Variants in TIMM44 observed in about 807,000 individuals in gnomAD.
TIMM44 encodes the protein translocase of inner mitochondrial membrane 44, also known as mitochondrial import inner membrane translocase subunit TIM44.
Under a neutral mutation model 63.8 loss-of-function variants are expected in TIMM44, and 37 were observed. The ratio of observed to expected loss-of-function variants is 0.58; its 90% confidence interval spans 0.45 to 0.76. The LOEUF (loss-of-function observed/expected upper bound fraction) is 0.76. TIMM44 is among the 30% of genes least tolerant of loss of function. The probability of loss-of-function intolerance (pLI) is 0.00; values close to 1 mark genes in which losing one functional copy is unlikely to be tolerated. For missense variants in TIMM44, 573 were observed against 603.8 expected, an observed-to-expected ratio of 0.95 and a Z score of 0.54; for synonymous variants, 239 against 245.1, an observed-to-expected ratio of 0.98 and a Z score of 0.23.
chr19:7,936,579 A>C (rs1437915091), intron 3 of TIMM44, among the ~76,000 whole-genome samples: 3 of 152,248 alleles, frequency 2.0e-5, no homozygotes, highest in Non-Finnish European at 4.4e-5. Flanking sequence ...AAATGGGGAC[A>C]CTGTAACTGC....
At chr19:7,935,547 C>T (rs755288644) in intron 3 of TIMM44, among the ~76,000 whole-genome samples, 32 of 152,200 alleles carry the variant, frequency 2.1e-4, no homozygotes, top group Non-Finnish European at 3.5e-4. Flanking sequence ...GCATCTTCTC[C>T]GCAGCCCCTC....
chr19:7,927,606 C>T, intron 12 of TIMM44, 51 bp downstream of exon 12: 1 of 1,560,990 alleles, frequency 6.4e-7, no homozygotes, highest in Non-Finnish European at 8.8e-7. Context: ...ACACACAGAT[C>T]TTGGGGACAG....
chr19:7,937,638 C>A (rs1212733021), intron 3 of TIMM44, among the ~76,000 whole-genome samples: 1 of 152,228 alleles, frequency 6.6e-6, no homozygotes, highest in African/African-American at 2.4e-5. Flanking sequence ...CACCCTGCCC[C>A]CAACCGTCCA....
rs1983840919 is a variant in TIMM44 at position 7,927,317 on chromosome 19, G to C, written c.1240-11C>G. 1 of 1,609,262 alleles carries C rather than the reference G, an allele frequency of 6.2e-7. No individual in the cohort carries two copies. The highest frequency in any genetic ancestry group is 8.5e-7 in the Non-Finnish European group (1 of 1,179,950). ...CCGCAGCACCTTGTCCTGCAGGGTGGGGTGGGAAGGGCACTGTTGAGAGGG... is the reference window on the plus strand; with the variant it reads ...CCGCAGCACCTTGTCCTGCAGGGTGCGGTGGGAAGGGCACTGTTGAGAGGG... On this transcript the variant is annotated splice_polypyrimidine_tract_variant and intron_variant, in intron 12 of 12. Transcript: ENST00000270538.
chr19:7,937,563 C>T (rs2145179329), intron 3 of TIMM44, among the ~76,000 whole-genome samples: 1 of 152,340 alleles, frequency 6.6e-6, no homozygotes, highest in African/African-American at 2.4e-5. Flanking sequence ...GCCTGGAGAC[C>T]CGCACCTGTC....
At chr19:7,932,497 A>C in intron 9 of TIMM44, 130 bp downstream of exon 9, 1 of 1,359,862 alleles carries the variant, frequency 7.4e-7, no homozygotes, top group East Asian at 2.3e-5. Flanking sequence ...GCCCGTGTGC[A>C]ACCAGCCTCC....
rs778758579 is a variant in TIMM44 at position 7,938,086 on chromosome 19, G to A, written c.253C>T (p.Arg85Cys). ...TCTTCTAGCCTTCTGGCCTCGTCAC[G>A]GAATTTTTTTATACTTTCTTTCATT... ...KEMKESIKKFRDEARRLEESD... is the reference protein window; with the variant it reads ...KEMKESIKKFCDEARRLEESD... Residue 85 changes from arginine to cysteine, a missense_variant, in exon 3 of 13, where the codon CGT becomes TGT. Arg to Cys is a radical substitution (Grantham distance 180, BLOSUM62 -3). Coordinates refer to ENST00000270538, the MANE Select transcript of TIMM44 (RefSeq NM_006351.4). The A allele has an allele frequency of 4.3e-6, 7 of 1,614,042 alleles. No individual in the cohort carries two copies. The highest frequency in any genetic ancestry group is 2.2e-5 in the South Asian group (2 of 91,086).
intron 10 of TIMM44, among the ~76,000 whole-genome samples, chr19:7,930,129 G>A (rs1013872230): frequency 2.6e-5 from 4 of 151,104 alleles, no homozygotes; most frequent in South Asian, 2.1e-4. Context: ...GATGACAGGC[G>A]TTAGCCACCG....
chr19:7,929,163 GCCT>G (rs1185472307), intron 10 of TIMM44, among the ~76,000 whole-genome samples: 3 of 152,158 alleles, frequency 2.0e-5, no homozygotes, highest in Non-Finnish European at 4.4e-5. Context: ...AGATGAGGTG[GCCT>G]GAGGAGATGA....
intron 2 of TIMM44, among the ~76,000 whole-genome samples, chr19:7,939,353 T>C (rs1599651662): frequency 6.6e-6 from 1 of 152,198 alleles, no homozygotes; most frequent in Admixed American, 6.6e-5. Flanking sequence ...GGCTCCTGCC[T>C]GTAATCTCAG....
In TIMM44 at chr19:7,942,997, G is replaced by A. The variant is rs1216841367; in HGVS notation, c.45+610C>T. Among the ~76,000 whole-genome samples, 12 of 143,958 alleles carry A rather than the reference G, an allele frequency of 8.3e-5. No homozygotes were observed. In the East Asian group the frequency reaches 2.4e-3, roughly 28 times the overall value. The allele number at this position is 143,958 out of a possible 152,430, so 94.4% of individuals were successfully genotyped here. A position where few individuals can be genotyped will look rare whatever the true frequency, so the allele number is the denominator to read the frequency against. On this transcript the variant is annotated intron_variant, in intron 1 of 12. Coordinates refer to ENST00000270538, the MANE Select transcript of TIMM44 (RefSeq NM_006351.4). ...AGAAGTTGCAGTGAGCCGAGATCGCGCCATTGCACTCCAGACTGGGCGACA... is the reference window on the plus strand; with the variant it reads ...AGAAGTTGCAGTGAGCCGAGATCGCACCATTGCACTCCAGACTGGGCGACA...
At chr19:7,929,672 A>T (rs1041585846) in intron 10 of TIMM44, among the ~76,000 whole-genome samples, 1 of 150,772 alleles carries the variant, frequency 6.6e-6, no homozygotes, top group Non-Finnish European at 1.5e-5. Flanking sequence ...ACACCTTCAA[A>T]CCCCACTTGA....
At position 7,934,351 on chromosome 19, in the gene TIMM44, C is replaced by A. The variant is rs1204081596; in HGVS notation, c.394-113G>T. 1.0e-5 allele frequency: 14 copies of A among 1,403,722 alleles called. No homozygotes were observed. The highest frequency in any genetic ancestry group is 2.1e-4 in the Middle Eastern group (1 of 4,696). 87.0% of individuals were successfully genotyped at this position (1,403,722 alleles called of 1,614,324 possible). A position where few individuals can be genotyped will look rare whatever the true frequency, so the allele number is the denominator to read the frequency against. ...AAGGGCGGATCTGGTTCCCCGAGGC[C>A]GGCAGAGGCCTTCTGTGCTCCTGTG... On this transcript the variant is annotated intron_variant, in intron 4 of 12. Transcript: ENST00000270538. The surrounding 1 kb of genome is among the most constrained non-coding windows in gnomAD (Gnocchi z 5.3).
At chr19:7,941,916 T>C (rs1984322920) in intron 1 of TIMM44, among the ~76,000 whole-genome samples, 1 of 152,206 alleles carries the variant, frequency 6.6e-6, no homozygotes, top group Admixed American at 6.5e-5. Context: ...AACTGGATTT[T>C]TCAGACACAA....
chr19:7,930,694 C>T (rs1026184096), intron 10 of TIMM44, among the ~76,000 whole-genome samples: 4 of 152,154 alleles, frequency 2.6e-5, no homozygotes, highest in Admixed American at 1.3e-4. Context: ...AGCAATCTCC[C>T]GCCTTGGGCT....
chr19:7,933,728 G>T lies in TIMM44; in HGVS notation c.683+136C>A. On this transcript the variant is annotated intron_variant, in intron 6 of 12. Coordinates refer to ENST00000270538, the MANE Select transcript of TIMM44 (RefSeq NM_006351.4). This position sits in a 1 kb window ranked among gnomAD's most constrained non-coding sequence, Gnocchi z 4.3. The stretch of plus-strand genomic sequence containing the variant: ...GCCCTCACCTCTCACCCTCAAATTC[G>T]AGGGAGCCGGGAACCTTGGGCAGAA... 1 of 1,440,734 alleles carries T rather than the reference G, an allele frequency of 6.9e-7. No individual in the cohort carries two copies. The highest frequency in any genetic ancestry group is 9.7e-7 in the Non-Finnish European group (1 of 1,032,354). The allele number at this position is 1,440,734 out of a possible 1,614,324, so 89.2% of individuals were successfully genotyped here.
At chr19:7,932,550 G>A in intron 9 of TIMM44, 77 bp downstream of exon 9, 3 of 1,593,858 alleles carry the variant, frequency 1.9e-6, no homozygotes, top group African/African-American at 1.3e-5. Context: ...GCAGCACCCA[G>A]GGTGCCGGCT....
chr19:7,933,832 G>T lies in TIMM44; in HGVS notation c.683+32C>A, dbSNP rs746980840. The T allele has an allele frequency of 1.2e-6, 2 of 1,613,320 alleles. No homozygotes were observed. The highest frequency in any genetic ancestry group is 8.5e-7 in the Non-Finnish European group (1 of 1,179,934). ...GACAGCAGTGAAAGCTGCCCAAAAT[G>T]GGGGCAGCGAGGGCCACGGGCTGGT... On this transcript the variant is annotated intron_variant, in intron 6 of 12. Transcript: ENST00000270538. This position sits in a 1 kb window ranked among gnomAD's most constrained non-coding sequence, Gnocchi z 4.3.
rs768487113 is a variant in TIMM44, at chr19:7,933,911, C to G, written c.636G>C (p.Glu212Asp). Residue 212 changes from glutamate (E) to aspartate (D), a missense_variant, in exon 6 of 13, where the codon GAG becomes GAC. By Grantham distance (45) the Glu-to-Asp change is conservative. Transcript: ENST00000270538. This position sits in a 1 kb window ranked among gnomAD's most constrained non-coding sequence, Gnocchi z 4.3. ...CCTCCTTGAACTTATCTCCCGCAAA[C>G]TCCGTTCTCTTCCGGAGTCGCTGGG... is the stretch of plus-strand genomic sequence containing the variant. ...RRPQRLRKRT[E>D]FAGDKFKEEK... is the part of the protein sequence containing the mutation. 4.3e-6 allele frequency: 7 copies of G among 1,614,076 alleles called. No individual in the cohort carries two copies. The African/African-American group carries it at 9.3e-5, about 22-fold the overall frequency.
Sources: allele counts gnomAD v4.1 joint callset (sites outside exome capture counted in the v4.1 genomes callset), GRCh38; gene constraint gnomAD v4.1.1; non-coding constraint Gnocchi (gnomAD v3.1); transcripts MANE v1.5; gene names NCBI Gene and HGNC (gene_info 2026-07-23, HGNC 2026-07-21).